The following PRRC2C variants were observed in gnomAD, a reference collection of about 807,000 sequenced individuals.
PRRC2C encodes the protein protein PRRC2C.
A neutral mutation model predicts 317.2 loss-of-function variants in PRRC2C; 72 were observed. The observed-to-expected ratio is 0.23, with a 90% CI of 0.19 to 0.28. The LOEUF (loss-of-function observed/expected upper bound fraction) is 0.28. Among genes scored for constraint, PRRC2C ranks in the 10% least tolerant of loss-of-function variants. The pLI is 1.00. For missense variants in PRRC2C, 3,074 were observed against 3,459.7 expected (o/e 0.89, Z 2.80); for synonymous variants, 1,296 against 1,205.9 (o/e 1.07, Z -1.55).
At chr1:171,515,900 TG>T (rs1227077287) in intron 5 of PRRC2C, 41 bp downstream of exon 5, 2 of 1,534,770 alleles carry the variant, frequency 1.3e-6, no homozygotes, top group Non-Finnish European at 1.8e-6. Flanking sequence ...AGATCATATT[TG>T]TGTATTATCT....
intron 11 of PRRC2C, 63 bp downstream of exon 11, chr1:171,527,907 G>C: frequency 7.2e-7 from 1 of 1,379,770 alleles, no homozygotes; most frequent in Non-Finnish European, 1.0e-6. Flanking sequence ...TTGGTGGAAA[G>C]ACACCAAATT....
Position 171,523,364 on chromosome 1 carries a change from A to G in PRRC2C, c.967+10A>G. The G allele has an allele frequency of 1.2e-6, 2 of 1,613,964 alleles. 1 individual carries two copies. The highest frequency in any genetic ancestry group is 2.7e-5 in the African/African-American group (2 of 75,042). On this transcript the variant is annotated intron_variant, in intron 8 of 34. Coordinates refer to ENST00000647382, the MANE Select transcript of PRRC2C (RefSeq NM_001387844.1). The stretch of plus-strand genomic sequence containing the variant: ...GATGAAGGTTGGGCAGGTAAGAGGC[A>G]AAATTAATTAAGTCCTTTAAATTGT...
Position 171,566,678 on chromosome 1 carries a change from A to G in PRRC2C, c.6393A>G (p.Lys2131=), listed in dbSNP as rs762958201. The change falls in exon 22 of 35, where the codon AAA becomes AAG. Residue 2131 remains lysine, a synonymous_variant. Transcript: ENST00000647382. The stretch of plus-strand genomic sequence containing the variant: ...GTTCATTAAAAAATAGAAAAGTAAA[A>G]GATGCCCAACAGGTGGAGCCAGAAG... The part of the protein sequence containing the change: ...KERSLKNRKV[K]DAQQVEPEGQ... The G allele has an allele frequency of 6.2e-7, 1 of 1,612,502 alleles. No homozygotes were observed. Among genetic ancestry groups the G allele is most frequent in the Non-Finnish European group, 8.5e-7 (1 of 1,179,122 alleles).
Position 171,541,413 on chromosome 1 carries a change from A to G in PRRC2C, c.3947A>G (p.Asp1316Gly), listed in dbSNP as rs544365516. 24 of 1,613,950 alleles carry G rather than the reference A, an allele frequency of 1.5e-5. No individual in the cohort carries two copies. In the South Asian group the frequency reaches 2.1e-4, roughly 14 times the overall value. Residue 1316 changes from aspartate to glycine, a missense_variant, in exon 16 of 35, where the codon GAT (aspartate) becomes GGT (glycine). Asp to Gly is a moderately conservative substitution (Grantham distance 94). Around this residue, in one of 11 missense-constraint regions of PRRC2C, gnomAD observed 1,320 missense variants for 1,395.7 expected, o/e 0.95. Coordinates refer to ENST00000647382, the MANE Select transcript of PRRC2C (RefSeq NM_001387844.1). The surrounding 1 kb of genome is among the most constrained non-coding windows in gnomAD (Gnocchi z 4.1). Reference protein sequence around the residue: ...SFKPDNHVRIDNRLLEKPYVR... With the variant: ...SFKPDNHVRIGNRLLEKPYVR... ...AAGCCTGATAATCATGTTCGAATAG[A>G]TAATAGACTGCTAGAAAAGCCTTAT...
Position 171,537,384 on chromosome 1 carries a change from T to C in PRRC2C, c.2415T>C (p.Pro805=). 2 of 1,588,406 alleles carry C rather than the reference T, an allele frequency of 1.3e-6. No individual in the cohort carries two copies. Among genetic ancestry groups the C allele is most frequent in the Non-Finnish European group, 1.7e-6 (2 of 1,166,544 alleles). ...ATCACGCAATTTCCCTTTCTGAGCC[T>C]CGTATGCTGTGGGGGTCAGATCCCT... The part of the protein sequence containing the change: ...ARDHAISLSE[P]RMLWGSDPYP... The change falls in exon 15 of 35, where the codon CCT becomes CCC. Residue 805 remains proline, a synonymous_variant. Coordinates refer to ENST00000647382, the MANE Select transcript of PRRC2C (RefSeq NM_001387844.1).
chr1:171,565,153 G>C (rs896804078), intron 20 of PRRC2C, among the ~76,000 whole-genome samples: 1 of 152,082 alleles, frequency 6.6e-6, no homozygotes, highest in Non-Finnish European at 1.5e-5. Flanking sequence ...CCCCATACCT[G>C]CTATGCTTCA....
chr1:171,561,309 C>T (rs550003190), intron 20 of PRRC2C, among the ~76,000 whole-genome samples: 16 of 152,210 alleles, frequency 1.1e-4, no homozygotes, highest in African/African-American at 3.6e-4. Context: ...AAAAAATAGC[C>T]AGTTGTGGTG....
At chr1:171,552,897 T>C (rs1435078246) in intron 18 of PRRC2C, among the ~76,000 whole-genome samples, 1 of 152,232 alleles carries the variant, frequency 6.6e-6, no homozygotes, top group Non-Finnish European at 1.5e-5. Flanking sequence ...GCATCAATGT[T>C]CATCAGGGAT....
intron 14 of PRRC2C, 79 bp downstream of exon 14, chr1:171,536,357 T>A: frequency 6.8e-7 from 1 of 1,467,504 alleles, no homozygotes; most frequent in Non-Finnish European, 9.3e-7. Flanking sequence ...CCTTTGAGAG[T>A]TGTAATCTAG....
intron 33 of PRRC2C, 115 bp downstream of exon 33, chr1:171,588,620 A>T: frequency 1.7e-6 from 2 of 1,184,614 alleles, no homozygotes; most frequent in Non-Finnish European, 2.3e-6. Context: ...TTAATAAAAA[A>T]TTGTTTCTGA....
At chr1:171,492,931 T>C (rs1667443819) in intron 1 of PRRC2C, among the ~76,000 whole-genome samples, 1 of 151,874 alleles carries the variant, frequency 6.6e-6, no homozygotes, top group South Asian at 2.1e-4. Flanking sequence ...TTTGTATTTT[T>C]AGTAGAGATG....
chr1:171,564,404 C>A (rs1683236838), intron 20 of PRRC2C, among the ~76,000 whole-genome samples: 1 of 152,082 alleles, frequency 6.6e-6, no homozygotes, highest in Admixed American at 6.5e-5. Context: ...AAGTTCTTAA[C>A]ATTTTTGTAT....
chr1:171,547,185 C>T (rs544155223), intron 17 of PRRC2C, among the ~76,000 whole-genome samples: 2 of 152,250 alleles, frequency 1.3e-5, no homozygotes, highest in South Asian at 4.2e-4. Flanking sequence ...TTAAGCTATT[C>T]ATTTCAACTC....
Position 171,553,367 on chromosome 1 carries a change from T to A in PRRC2C, c.5127+3127T>A, listed in dbSNP as rs1680691551. Reference sequence around the variant, plus strand: ...TCTTCTCTCTTTTCTTCTTTATTAGTCTTGCTAGCGGTCTGTCAATTTTAT... The same window carrying A: ...TCTTCTCTCTTTTCTTCTTTATTAGACTTGCTAGCGGTCTGTCAATTTTAT... On this transcript the variant is annotated intron_variant, in intron 18 of 34. Coordinates refer to ENST00000647382, the MANE Select transcript of PRRC2C (RefSeq NM_001387844.1). Among the ~76,000 whole-genome samples, 7 of 152,172 alleles carry A rather than the reference T, an allele frequency of 4.6e-5. No individual in the cohort carries two copies. In the South Asian group the frequency reaches 1.4e-3, roughly 32 times the overall value.
In PRRC2C at chr1:171,545,533, C is replaced by T; in HGVS notation, c.4818C>T (p.Ser1606=). ...CTGGGGTTGACCTCATCAATGGCAG[C>T]TCTGCACACCATCAGGAAGGAGTAC... is the stretch of plus-strand genomic sequence containing the variant. ...GTTGVDLING[S]SAHHQEGVPN... Residue 1606 remains serine, a synonymous_variant, in exon 17 of 35, where the codon AGC becomes AGT. Transcript: ENST00000647382. 2 of 1,593,426 alleles carry T rather than the reference C, an allele frequency of 1.3e-6. No homozygotes were observed. Among genetic ancestry groups the T allele is most frequent in the Non-Finnish European group, 1.7e-6 (2 of 1,169,698 alleles).
At chr1:171,519,524 C>CT (rs1179755904) in intron 6 of PRRC2C, among the ~76,000 whole-genome samples, 1 of 152,116 alleles carries the variant, frequency 6.6e-6, no homozygotes, top group African/African-American at 2.4e-5. Flanking sequence ...TTGATACTAT[C>CT]TTTAATTTCA....
intron 30 of PRRC2C, among the ~76,000 whole-genome samples, chr1:171,585,132 G>T (rs1361760076): frequency 6.6e-6 from 1 of 151,920 alleles, no homozygotes; most frequent in African/African-American, 2.4e-5. Context: ...TTAGGTTTCC[G>T]TGTAATTATT....
Position 171,591,886 on chromosome 1 carries a change from G to GCCCC in PRRC2C, c.*39_*40insCCCC. On this transcript the variant is annotated 3_prime_UTR_variant, in exon 35 of 35. Coordinates refer to ENST00000647382, the MANE Select transcript of PRRC2C (RefSeq NM_001387844.1). ...TTGCAGGGGATTGGGAGGGGGGCGG[G>GCCCC]AAAACATGGAGAATTAAGTCAGATA... is the stretch of plus-strand genomic sequence containing the variant. 1.1e-5 allele frequency: 5 copies of GCCCC among 475,592 alleles called. No homozygotes were observed. Among genetic ancestry groups the GCCCC allele is most frequent in the Non-Finnish European group, 1.9e-5 (5 of 266,798 alleles). 29.5% of individuals were successfully genotyped at this position (475,592 alleles called of 1,614,324 possible). A position where few individuals can be genotyped will look rare whatever the true frequency, so the allele number is the denominator to read the frequency against.
rs76866174 is a variant in PRRC2C at position 171,498,484 on chromosome 1, A to G, written c.-58+12749A>G. ...GGCCCAATCACCTCCTAAAGACCCC[A>G]CCTCTTAAAAGTGTTGCATTGGGGG... On this transcript the variant is annotated intron_variant, in intron 1 of 34. Transcript: ENST00000647382. Among the ~76,000 whole-genome samples the G allele has an allele frequency of 5.1e-3, 769 of 152,162 alleles. 6 individuals carry two copies. Among genetic ancestry groups the G allele is most frequent in the African/African-American group, 0.017 (717 of 41,508 alleles).
Sources: gnomAD v4.1 joint callset for allele counts (sites outside exome capture counted in the v4.1 genomes callset) on GRCh38, gnomAD v4.1.1 for gene constraint, gnomAD v4.1.1 regional missense constraint, Gnocchi (gnomAD v3.1) non-coding constraint, MANE v1.5 for transcripts, NCBI Gene and HGNC (gene_info 2026-07-23, HGNC 2026-07-21) for gene names.